Variants in KCNH5 observed in about 807,000 individuals in gnomAD.
KCNH5 encodes the protein potassium voltage-gated channel subfamily H member 5, also known as voltage-gated delayed rectifier potassium channel KCNH5.
Under a neutral mutation model 96.1 loss-of-function variants are expected in KCNH5, and 46 were observed. The ratio of observed to expected loss-of-function variants is 0.48; its 90% CI spans 0.38 to 0.61. KCNH5 has a LOEUF of 0.61. KCNH5 is among the 20% of genes least tolerant of loss of function. The pLI is 0.00. For synonymous variants in KCNH5, 439 were observed against 449.8 expected, an observed-to-expected ratio of 0.98 and a Z score of 0.30; for missense variants, 907 against 1,225.8, an observed-to-expected ratio of 0.74 and a Z score of 3.88.
At chr14:62,813,555 A>G (rs1472264026) in intron 8 of KCNH5, among the ~76,000 whole-genome samples, 1 of 152,208 alleles carries the variant, frequency 6.6e-6, no homozygotes, top group African/African-American at 2.4e-5. Context: ...TATTTCTAAT[A>G]ATAATGAATA....
chr14:62,742,907 G>A (rs1360624349), intron 10 of KCNH5, among the ~76,000 whole-genome samples: 4 of 152,154 alleles, frequency 2.6e-5, no homozygotes, highest in African/African-American at 4.8e-5. Context: ...TGGTACCGGG[G>A]CTTAGGATTC....
Position 62,719,554 on chromosome 14 carries a change from C to T in KCNH5, c.2020-11099G>A, listed in dbSNP as rs113393757. Among the ~76,000 whole-genome samples, 366 of 152,304 alleles carry T rather than the reference C, an allele frequency of 2.4e-3. 2 individuals carry two copies. Among genetic ancestry groups the T allele is most frequent in the African/African-American group, 8.1e-3 (337 of 41,560 alleles). The stretch of plus-strand genomic sequence containing the variant: ...TCACAACCACTCCAGCGCAGCCACA[C>T]GGCGAAAGAAGATTTGTAGACAAAA... On this transcript the variant is annotated intron_variant, in intron 10 of 10. Coordinates refer to ENST00000322893, the MANE Select transcript of KCNH5 (RefSeq NM_139318.5).
chr14:62,904,581 A>G (rs1483160191), intron 7 of KCNH5, among the ~76,000 whole-genome samples: 2 of 152,016 alleles, frequency 1.3e-5, no homozygotes, highest in Non-Finnish European at 2.9e-5. Context: ...AATACTCAAC[A>G]CACACACACA....
intron 7 of KCNH5, among the ~76,000 whole-genome samples, chr14:62,935,668 C>T (rs1595691141): frequency 6.6e-6 from 1 of 152,214 alleles, no homozygotes; most frequent in South Asian, 2.1e-4. Flanking sequence ...CTTCTCCACC[C>T]TCCTCTGAAA....
chr14:62,904,284 CTTA>C (rs1160778753), intron 7 of KCNH5, among the ~76,000 whole-genome samples: 1 of 152,154 alleles, frequency 6.6e-6, no homozygotes, highest in Non-Finnish European at 1.5e-5. Context: ...CTGGCATAAA[CTTA>C]TTATGTTACA....
At chr14:62,893,705 A>G (rs1004109863) in intron 7 of KCNH5, among the ~76,000 whole-genome samples, 1 of 152,170 alleles carries the variant, frequency 6.6e-6, no homozygotes, top group African/African-American at 2.4e-5. Context: ...AGCTGAGATC[A>G]TGCCACTGCA....
At position 62,701,012 on chromosome 14, in the gene KCNH5, G is replaced by A. The variant is rs1440729590; in HGVS notation, c.*6496C>T. ...ATTAGTTATTATGGATACTCAATCT[G>A]GTTTATTGAAGCTTCAAGGTGAATA... On this transcript the variant is annotated 3_prime_UTR_variant, in exon 11 of 11. Transcript: ENST00000322893. 6.6e-6 allele frequency: 1 copy of A among 152,104 alleles called. No homozygotes were observed. Among genetic ancestry groups the A allele is most frequent in the Non-Finnish European group, 1.5e-5 (1 of 67,990 alleles). 9.4% of individuals were successfully genotyped at this position (152,104 alleles called of 1,614,324 possible).
intron 10 of KCNH5, among the ~76,000 whole-genome samples, chr14:62,720,875 C>T (rs1227784303): frequency 1.3e-5 from 2 of 152,164 alleles, no homozygotes; most frequent in African/African-American, 4.8e-5. Flanking sequence ...GATGCGCGTG[C>T]ATGCACACAC....
chr14:62,709,339 A>G (rs546257503), intron 10 of KCNH5, among the ~76,000 whole-genome samples: 1 of 152,032 alleles, frequency 6.6e-6, no homozygotes, highest in East Asian at 1.9e-4. Flanking sequence ...AGCAAATGGC[A>G]TCTGGGTTGG....
At chr14:62,729,463 AG>A (rs200012088) in intron 10 of KCNH5, among the ~76,000 whole-genome samples, 1,752 of 152,330 alleles carry the variant, frequency 0.012, 17 homozygotes, top group Non-Finnish European at 0.017. Context: ...AATAGCCAGT[AG>A]GGATCTCAAT....
intron 8 of KCNH5, among the ~76,000 whole-genome samples, chr14:62,835,862 A>C (rs1887455631): frequency 6.6e-6 from 1 of 151,750 alleles, no homozygotes; most frequent in African/African-American, 2.4e-5. Context: ...ATTTTTTATG[A>C]TTGCCCTCAA....
chr14:62,878,844 A>G (rs889427869), intron 7 of KCNH5, among the ~76,000 whole-genome samples: 1 of 152,036 alleles, frequency 6.6e-6, no homozygotes, highest in African/African-American at 2.4e-5. Flanking sequence ...ATATCTTCAC[A>G]TGGTCTTCCC....
At chr14:62,869,729 G>C (rs1246612540) in intron 7 of KCNH5, among the ~76,000 whole-genome samples, 2 of 152,094 alleles carry the variant, frequency 1.3e-5, no homozygotes, top group Admixed American at 1.3e-4. Context: ...AAACAGCATG[G>C]TACTGGTACC....
intron 7 of KCNH5, among the ~76,000 whole-genome samples, chr14:62,918,510 T>C (rs1889319318): frequency 6.6e-6 from 1 of 152,124 alleles, no homozygotes; most frequent in African/African-American, 2.4e-5. Flanking sequence ...AATATGTTTT[T>C]TAAAAAGATC....
Position 62,896,953 on chromosome 14 carries a change from T to C in KCNH5, c.1370-47101A>G, listed in dbSNP as rs12589016. ...TAAGTAATATCACCACAGCCACATA[T>C]GAGGAATATACATAACAAGCAGCCT... On this transcript the variant is annotated intron_variant, in intron 7 of 10. Coordinates refer to ENST00000322893, the MANE Select transcript of KCNH5 (RefSeq NM_139318.5). Among the ~76,000 whole-genome samples, 516 of 152,296 alleles carry C rather than the reference T, an allele frequency of 3.4e-3. 8 individuals carry two copies. The East Asian group carries it at 0.053, about 15-fold the overall frequency.
intron 7 of KCNH5, among the ~76,000 whole-genome samples, chr14:62,877,213 A>C (rs572709666): frequency 6.6e-6 from 1 of 152,024 alleles, no homozygotes; most frequent in East Asian, 1.9e-4. Context: ...TTAAAGACTT[A>C]AACGTTAGAC....
intron 7 of KCNH5, among the ~76,000 whole-genome samples, chr14:62,914,240 G>T (rs1190021286): frequency 6.6e-6 from 1 of 152,114 alleles, no homozygotes; most frequent in Non-Finnish European, 1.5e-5. Flanking sequence ...CATTTATGTT[G>T]GCCTAATGTA....
intron 4 of KCNH5, among the ~76,000 whole-genome samples, chr14:62,991,599 A>G (rs961006465): frequency 2.6e-5 from 4 of 152,030 alleles, no homozygotes; most frequent in African/African-American, 9.7e-5. Flanking sequence ...AATGCAAAGC[A>G]AATGAATGTT....
chr14:62,774,557 G>T (rs1262054458), intron 10 of KCNH5, among the ~76,000 whole-genome samples: 1 of 152,148 alleles, frequency 6.6e-6, no homozygotes, highest in Non-Finnish European at 1.5e-5. Context: ...TTAAAATGTA[G>T]GTGTCACCTG....
Sources: allele counts gnomAD v4.1 joint callset (sites outside exome capture counted in the v4.1 genomes callset), GRCh38; gene constraint gnomAD v4.1.1; transcripts MANE v1.5; gene names NCBI Gene and HGNC (gene_info 2026-07-23, HGNC 2026-07-21).